Variants in ZNF85 observed in about 807,000 individuals in gnomAD.
ZNF85 encodes the protein zinc finger protein 85 (HPF4, HTF1).
ZNF85 carries 50 observed loss-of-function variants against 53.9 expected under a neutral mutation model. The observed-to-expected ratio is 0.93, with a 90% CI of 0.74 to 1.17. The LOEUF is 1.17. Ranked by LOEUF, ZNF85 falls within the 50% of genes most tolerant of loss-of-function variation. The pLI, the probability that ZNF85 is intolerant of heterozygous loss-of-function variation, is 0.00. For synonymous variants in ZNF85, 225 were observed against 226.1 expected (o/e 1.00, Z 0.04); for missense variants, 747 against 688.5 (o/e 1.08, Z -0.95).
chr19:20,938,649 C>G (rs540379060), intron 3 of ZNF85, among the ~76,000 whole-genome samples: 4 of 152,260 alleles, frequency 2.6e-5, no homozygotes, highest in African/African-American at 9.6e-5. Flanking sequence ...CTAGAATTTA[C>G]ATGTTATGCC....
chr19:20,949,342 T>A lies in ZNF85; in HGVS notation c.828T>A (p.His276Gln), dbSNP rs1568557218. The A allele has an allele frequency of 3.7e-6, 6 of 1,609,040 alleles. No homozygotes were observed. Among genetic ancestry groups the A allele is most frequent in the Non-Finnish European group, 5.1e-6 (6 of 1,176,854 alleles). The change falls in exon 4 of 4, where the codon CAT becomes CAA. Residue 276 changes from histidine (H) to glutamine (Q), a missense_variant. Transcript: ENST00000328178. ...TFNRFSTLTT[H>Q]KIIHTGEKPY... is the part of the protein sequence containing the mutation. ...ACCGATTCTCAACTCTTACTACCCA[T>A]AAGATAATTCATACTGGAGAGAAAC... is the stretch of plus-strand genomic sequence containing the variant.
At chr19:20,932,351 A>G (rs1267546693) in intron 1 of ZNF85, among the ~76,000 whole-genome samples, 1 of 152,174 alleles carries the variant, frequency 6.6e-6, no homozygotes, top group African/African-American at 2.4e-5. Flanking sequence ...ACTACTTGTA[A>G]AAATTCTTAT....
At chr19:20,937,399 G>A (rs528820954) in intron 3 of ZNF85, 4 of 455,422 alleles carry the variant, frequency 8.8e-6, no homozygotes, top group African/African-American at 8.0e-5. Context: ...GTGACGGGAT[G>A]CCCTCTGAGT....
Position 20,949,970 on chromosome 19 carries a change from G to T in ZNF85, c.1456G>T (p.Glu486Ter). 6.2e-7 allele frequency: 1 copy of T among 1,610,952 alleles called. No individual in the cohort carries two copies. The highest frequency in any genetic ancestry group is 8.5e-7 in the Non-Finnish European group (1 of 1,178,090). The change falls in exon 4 of 4, where the codon GAA (glutamate) becomes TAA (stop). Residue 486 changes from glutamate (E) to a stop codon, truncating the protein, a stop_gained. Coordinates refer to ENST00000328178, the MANE Select transcript of ZNF85 (RefSeq NM_003429.5). LOFTEE classifies it high-confidence loss of function. ...HTEEKPYKCE[E>*]CGKGFKWPST... Reference sequence around the variant, plus strand: ...AGAAGAGAAACCTTACAAATGTGAAGAATGTGGCAAAGGTTTTAAATGGCC... The same window carrying T: ...AGAAGAGAAACCTTACAAATGTGAATAATGTGGCAAAGGTTTTAAATGGCC...
chr19:20,937,159 G>A (rs1973178709), intron 3 of ZNF85: 1 of 320,952 alleles, frequency 3.1e-6, no homozygotes, highest in Non-Finnish European at 6.2e-6. Context: ...AGCCTCCCAA[G>A]TAGCTGTGAC....
rs147805775 is a variant in ZNF85, at chr19:20,937,221, G to A, written c.229+2174G>A. 8.0e-3 allele frequency: 3,319 copies of A among 414,474 alleles called. 57 individuals carry two copies. Among genetic ancestry groups the A allele is most frequent in the African/African-American group, 0.033 (1,572 of 48,362 alleles). The allele number at this position is 414,474 out of a possible 1,614,324, so 25.7% of individuals were successfully genotyped here. A position where few individuals can be genotyped will look rare whatever the true frequency, so the allele number is the denominator to read the frequency against. The stretch of plus-strand genomic sequence containing the variant: ...CAATTTTTTGTATTTTAGTAGAGAC[G>A]AAGTTTCACCATATTGGCCAGGCGA... On this transcript the variant is annotated intron_variant, in intron 3 of 3. Transcript: ENST00000328178.
At position 20,950,264 on chromosome 19, in the gene ZNF85, CAT is replaced by C. The variant is rs760994960; in HGVS notation, c.1752_1753del (p.His584GlnfsTer19). ...AFKWSSVLTKHKIIHTGEKLQ... is the reference protein window; with the variant it reads ...AFKWSSVLTKXKIIHTGEKLQ... ...TAAATGGTCCTCAGTCCTTACTAAA[CAT>C]AAGATAATTCATACCGGAGAAAAAT... On this transcript the variant is annotated frameshift_variant, in exon 4 of 4. Coordinates refer to ENST00000328178, the MANE Select transcript of ZNF85 (RefSeq NM_003429.5). LOFTEE classifies it high-confidence loss of function. The C allele has an allele frequency of 2.6e-6, 4 of 1,561,080 alleles. No homozygotes were observed. The highest frequency in any genetic ancestry group is 4.1e-5 in the Admixed American group (2 of 48,632).
chr19:20,948,366 G>GT (rs935028370), intron 3 of ZNF85, among the ~76,000 whole-genome samples: 1 of 151,978 alleles, frequency 6.6e-6, no homozygotes, highest in Non-Finnish European at 1.5e-5. Flanking sequence ...AAATAAAAAT[G>GT]TTTTTTGCCG....
intron 1 of ZNF85, among the ~76,000 whole-genome samples, chr19:20,926,395 G>A (rs1972880881): frequency 6.6e-6 from 1 of 151,998 alleles, no homozygotes; most frequent in Non-Finnish European, 1.5e-5. Context: ...TTGTCTGAAA[G>A]GAATAAATGC....
At position 20,942,757 on chromosome 19, in the gene ZNF85, G is replaced by A. The variant is rs1246655216; in HGVS notation, c.230-5987G>A. ...AACACACAGTGTATAATTTTTGTCTGCTTAAATTTATTTGTTGTTGTTGTC... is the reference window on the plus strand; with the variant it reads ...AACACACAGTGTATAATTTTTGTCTACTTAAATTTATTTGTTGTTGTTGTC... On this transcript the variant is annotated intron_variant, in intron 3 of 3. Coordinates refer to ENST00000328178, the MANE Select transcript of ZNF85 (RefSeq NM_003429.5). The A allele has an allele frequency of 1.3e-5, 9 of 687,684 alleles. No individual in the cohort carries two copies. The Admixed American group carries it at 1.9e-4, about 14-fold the overall frequency. 42.6% of individuals were successfully genotyped at this position (687,684 alleles called of 1,614,324 possible).
rs200667218 is a variant in ZNF85 at position 20,948,815 on chromosome 19, C to G, written c.301C>G (p.Leu101Val). The change falls in exon 4 of 4, where the codon CTG (leucine) becomes GTG (valine). Residue 101 changes from leucine to valine, a missense_variant. By Grantham distance (32) the Leu-to-Val change is conservative (BLOSUM62 1). Coordinates refer to ENST00000328178, the MANE Select transcript of ZNF85 (RefSeq NM_003429.5). The part of the protein sequence containing the change: ...NIKDSFQKVT[L>V]KRYGKCRHEN... ...AAAAGATTCTTTCCAAAAAGTGACA[C>G]TGAAAAGATATGGAAAATGTAGACA... 6.2e-7 allele frequency: 1 copy of G among 1,610,678 alleles called. No individual in the cohort carries two copies. Among genetic ancestry groups the G allele is most frequent in the East Asian group, 2.2e-5 (1 of 44,832 alleles).
chr19:20,937,554 A>T (rs1337744676), intron 3 of ZNF85, among the ~76,000 whole-genome samples: 1 of 152,176 alleles, frequency 6.6e-6, no homozygotes, highest in Admixed American at 6.5e-5. Flanking sequence ...CAGGACTTCT[A>T]TATATAAGGC....
chr19:20,946,435 T>TTCAG, intron 3 of ZNF85: 1 of 341,868 alleles, frequency 2.9e-6, no homozygotes, highest in Non-Finnish European at 5.6e-6. Context: ...CCTTCTAATA[T>TTCAG]TCTTTTTTTT....
chr19:20,949,178 A>C lies in ZNF85; in HGVS notation c.664A>C (p.Arg222=). ...NWSSTLTKHK[R]IHTGEKPYKC... is the part of the protein sequence containing the mutation. ...GTCCTCAACCCTTACTAAACATAAG[A>C]GAATTCATACGGGAGAGAAACCTTA... Residue 222 remains arginine (R), a synonymous_variant, in exon 4 of 4, where the codon AGA becomes CGA. Coordinates refer to ENST00000328178, the MANE Select transcript of ZNF85 (RefSeq NM_003429.5). 1 of 1,613,552 alleles carries C rather than the reference A, an allele frequency of 6.2e-7. No homozygotes were observed. The highest frequency in any genetic ancestry group is 8.5e-7 in the Non-Finnish European group (1 of 1,179,774).
Position 20,934,973 on chromosome 19 carries a change from TG to T in ZNF85, c.156del (p.Ile53SerfsTer13). ...FLGITVSKPD[L>X]ITCLEQGKEA... ...GGTATTACTGTTTCTAAGCCAGACC[TG>T]ATCACTTGTCTGGAGCAAGGGAAAG... is the stretch of plus-strand genomic sequence containing the variant. On this transcript the variant is annotated frameshift_variant, in exon 3 of 4. Transcript: ENST00000328178. LOFTEE classifies it high-confidence loss of function. 1 of 1,610,574 alleles carries T rather than the reference TG, an allele frequency of 6.2e-7. No homozygotes were observed. The highest frequency in any genetic ancestry group is 1.7e-4 in the Middle Eastern group (1 of 6,048).
At chr19:20,947,990 T>C (rs570319901) in intron 3 of ZNF85, among the ~76,000 whole-genome samples, 12 of 152,204 alleles carry the variant, frequency 7.9e-5, no homozygotes, top group African/African-American at 2.9e-4. Context: ...TTTTTATATG[T>C]TGTAATCTTT....
intron 3 of ZNF85, among the ~76,000 whole-genome samples, chr19:20,936,089 C>A (rs1034553797): frequency 8.3e-5 from 11 of 132,080 alleles, no homozygotes; most frequent in Admixed American, 1.5e-4. Context: ...AGATTGTTTT[C>A]TTTATCAGAT....
chr19:20,932,559 A>G (rs753100486), intron 1 of ZNF85, among the ~76,000 whole-genome samples: 7 of 152,196 alleles, frequency 4.6e-5, no homozygotes, highest in Non-Finnish European at 7.3e-5. Flanking sequence ...GGAAAGCTGG[A>G]GTCATTTGTA....
Position 20,949,575 on chromosome 19 carries a change from C to T in ZNF85, c.1061C>T (p.Ser354Phe). The T allele has an allele frequency of 6.3e-7, 1 of 1,597,924 alleles. No individual in the cohort carries two copies. The highest frequency in any genetic ancestry group is 1.7e-4 in the Middle Eastern group (1 of 5,990). ...CKKCGKAFNQSAHLTTHEVIH... is the reference protein window; with the variant it reads ...CKKCGKAFNQFAHLTTHEVIH... ...AAATGTGGAAAAGCCTTTAACCAGT[C>T]TGCACACCTTACCACACATGAGGTA... is the stretch of plus-strand genomic sequence containing the variant. The change falls in exon 4 of 4, where the codon TCT becomes TTT. Residue 354 changes from serine (S) to phenylalanine (F), a missense_variant. Coordinates refer to ENST00000328178, the MANE Select transcript of ZNF85 (RefSeq NM_003429.5).
Sources: gnomAD v4.1 joint callset for allele counts (sites outside exome capture counted in the v4.1 genomes callset) on GRCh38, gnomAD v4.1.1 for gene constraint, MANE v1.5 for transcripts, NCBI Gene and HGNC (gene_info 2026-07-23, HGNC 2026-07-21) for gene names.